Variants in SUMF1 observed in about 807,000 individuals in gnomAD.
SUMF1 encodes the protein sulfatase modifying factor 1.
In SUMF1, 48 loss-of-function variants were observed where a neutral mutation model predicts 47.6. The ratio of observed to expected loss-of-function variants is 1.01; its 90% confidence interval spans 0.80 to 1.28. SUMF1 has a LOEUF of 1.28. Among genes scored for constraint, SUMF1 ranks in the 50% most tolerant of loss-of-function variants. SUMF1 has a pLI of 0.00. For synonymous variants in SUMF1, 230 were observed against 192.1 expected, an observed-to-expected ratio of 1.20 and a Z score of -1.63; for missense variants, 571 against 485.4, an observed-to-expected ratio of 1.18 and a Z score of -1.66.
chr3:4,255,257 C>T (rs1479964706), intron 8 of SUMF1, among the ~76,000 whole-genome samples: 1 of 116,668 alleles, frequency 8.6e-6, no homozygotes, highest in Non-Finnish European at 1.9e-5. Context: ...CAAATTCACA[C>T]ATAACAATAT....
intron 7 of SUMF1, among the ~76,000 whole-genome samples, chr3:4,380,768 A>C (rs753968254): frequency 6.6e-6 from 1 of 152,186 alleles, no homozygotes. Context: ...AGCAAAACAC[A>C]CAGGTTTCTA....
chr3:4,187,369 T>TA (rs1337432544), intron 8 of SUMF1, among the ~76,000 whole-genome samples: 3 of 151,722 alleles, frequency 2.0e-5, no homozygotes, highest in African/African-American at 7.3e-5. Context: ...ACCCTGTCTA[T>TA]AAAAAAAAGA....
chr3:4,344,227 AGTGTG>A (rs1246385699), intron 8 of SUMF1, among the ~76,000 whole-genome samples: 1 of 151,910 alleles, frequency 6.6e-6, no homozygotes, highest in Non-Finnish European at 1.5e-5. Flanking sequence ...AAGGAAGAGC[AGTGTG>A]GTGTGGCGGC....
rs1466414134 is a variant in SUMF1, at chr3:4,407,755, A to C, written c.954+3110T>G. On this transcript the variant is annotated intron_variant, in intron 7 of 8. Transcript: ENST00000272902. Reference sequence around the variant, plus strand: ...AGAGAGGTGAAACTGTTTTCCTTAGAGATCTATTGCCTCAAATGGCAGATG... The same window carrying C: ...AGAGAGGTGAAACTGTTTTCCTTAGCGATCTATTGCCTCAAATGGCAGATG... Among the ~76,000 whole-genome samples the C allele has an allele frequency of 2.6e-5, 4 of 152,244 alleles. No homozygotes were observed. The East Asian group carries it at 7.7e-4, about 29-fold the overall frequency.
chr3:4,108,026 C>G lies in SUMF1; in HGVS notation c.1015-39281G>C, dbSNP rs76108576. Among the ~76,000 whole-genome samples the G allele has an allele frequency of 1.1e-3, 160 of 152,064 alleles. 7 individuals carry two copies. Among genetic ancestry groups the G allele is most frequent in the African/African-American group, 3.7e-3 (153 of 41,466 alleles). Reference sequence around the variant, plus strand: ...AATTTCTGGAAATAACCCAAATGCCCAACAATAGGGGAATAAACTATAGTA... The same window carrying G: ...AATTTCTGGAAATAACCCAAATGCCGAACAATAGGGGAATAAACTATAGTA... On this transcript the variant is annotated intron_variant and NMD_transcript_variant, in intron 8 of 12. Transcript: ENST00000448413.
chr3:4,184,145 TAA>T (rs575408617), intron 8 of SUMF1, among the ~76,000 whole-genome samples: 3 of 139,862 alleles, frequency 2.1e-5, no homozygotes, highest in Non-Finnish European at 4.7e-5. Flanking sequence ...GAAAAAAAAT[TAA>T]AAAAAAAAAA....
At chr3:4,418,364 T>G (rs1701786648) in intron 4 of SUMF1, among the ~76,000 whole-genome samples, 1 of 152,312 alleles carries the variant, frequency 6.6e-6, no homozygotes, top group South Asian at 2.1e-4. Flanking sequence ...CTCAAAACAT[T>G]TCTTCACTTT....
intron 8 of SUMF1, among the ~76,000 whole-genome samples, chr3:4,189,010 G>A (rs548838914): frequency 1.3e-5 from 2 of 151,914 alleles, no homozygotes; most frequent in African/African-American, 2.4e-5. Context: ...TTTCACATGG[G>A]TTCTAGCTCA....
At chr3:4,071,553 T>A (rs1695525673) in intron 8 of SUMF1, among the ~76,000 whole-genome samples, 1 of 152,196 alleles carries the variant, frequency 6.6e-6, no homozygotes, top group African/African-American at 2.4e-5. Flanking sequence ...TAAGATCCAC[T>A]GGCTTGAAAT....
intron 6 of SUMF1, among the ~76,000 whole-genome samples, chr3:4,411,492 G>A (rs976801756): frequency 6.6e-6 from 1 of 152,058 alleles, no homozygotes; most frequent in African/African-American, 2.4e-5. Flanking sequence ...AACTTAAGGG[G>A]ATTTCTTTTT....
chr3:4,384,617 G>A (rs113725734), intron 7 of SUMF1, among the ~76,000 whole-genome samples: 32 of 152,174 alleles, frequency 2.1e-4, no homozygotes, highest in African/African-American at 7.5e-4. Context: ...TTTCCACTCA[G>A]CATAATTCTC....
intron 6 of SUMF1, among the ~76,000 whole-genome samples, chr3:4,416,780 C>T (rs1701727598): frequency 6.6e-6 from 1 of 152,122 alleles, no homozygotes; most frequent in Non-Finnish European, 1.5e-5. Context: ...TAACTACACG[C>T]CATTATTAGC....
At chr3:4,108,369 C>T (rs1224658982) in intron 8 of SUMF1, among the ~76,000 whole-genome samples, 2 of 152,004 alleles carry the variant, frequency 1.3e-5, no homozygotes, top group African/African-American at 4.8e-5. Context: ...GGAATAAGCG[C>T]AGTGTGGTGC....
rs1699747234 is a variant in SUMF1 at position 4,361,291 on chromosome 3, A to AT, written c.*852dup. 1 of 152,674 alleles carries AT rather than the reference A, an allele frequency of 6.5e-6. No individual in the cohort carries two copies. Among genetic ancestry groups the AT allele is most frequent in the African/African-American group, 2.4e-5 (1 of 41,528 alleles). 9.5% of individuals were successfully genotyped at this position (152,674 alleles called of 1,614,324 possible). ...TCAAGGTCCTCGTTCCTTTTTCCCT[A>AT]TATCTAGAATTAAACAGGTTTCCCC... On this transcript the variant is annotated 3_prime_UTR_variant, in exon 9 of 9. Coordinates refer to ENST00000272902, the MANE Select transcript of SUMF1 (RefSeq NM_182760.4).
intron 8 of SUMF1, chr3:4,312,756 A>T: frequency 1.3e-6 from 1 of 796,520 alleles, no homozygotes; most frequent in East Asian, 3.9e-5. Context: ...TTTGGACAAT[A>T]TCTTAGTATG....
intron 8 of SUMF1, among the ~76,000 whole-genome samples, chr3:4,075,517 G>T (rs541696069): frequency 6.6e-6 from 1 of 152,162 alleles, no homozygotes; most frequent in South Asian, 2.1e-4. Context: ...AAGAAAAAAA[G>T]GGTATTCAAT....
rs768239514 is a variant in SUMF1 at position 4,316,397 on chromosome 3, T to G, written c.1014+59933A>C. On this transcript the variant is annotated intron_variant and NMD_transcript_variant, in intron 8 of 12. Transcript: ENST00000448413. ...GCAAAGGAGATGAGAGCCTTGAAGA[T>G]GAGGAGCGTAGTGGCCGGCCATCAG... 9 of 1,569,176 alleles carry G rather than the reference T, an allele frequency of 5.7e-6. No individual in the cohort carries two copies. In the Admixed American group the frequency reaches 1.6e-4, roughly 28 times the overall value.
intron 8 of SUMF1, among the ~76,000 whole-genome samples, chr3:4,300,543 C>A (rs1315216288): frequency 1.3e-5 from 2 of 152,140 alleles, no homozygotes; most frequent in Non-Finnish European, 2.9e-5. Flanking sequence ...TCTTTAATTT[C>A]TGTTCTCAAA....
chr3:4,400,428 C>G (rs1049926704), intron 7 of SUMF1, among the ~76,000 whole-genome samples: 2 of 152,192 alleles, frequency 1.3e-5, no homozygotes, highest in Admixed American at 6.5e-5. Context: ...TTCTGAGATT[C>G]AAATTCTCTG....
Sources: allele counts gnomAD v4.1 joint callset (sites outside exome capture counted in the v4.1 genomes callset), GRCh38; gene constraint gnomAD v4.1.1; transcripts MANE v1.5; gene names NCBI Gene and HGNC (gene_info 2026-07-23, HGNC 2026-07-21).